NCR1: variants seen among roughly 807,000 people sequenced by gnomAD.
NCR1 encodes the protein NK cell-activating receptor.
Under a neutral mutation model 32.5 loss-of-function variants are expected in NCR1, and 30 were observed. That is an observed-to-expected ratio of 0.92 (90% CI 0.69 to 1.25). The LOEUF is 1.25. NCR1 is among the 50% of genes most tolerant of loss of function. NCR1 has a pLI of 0.00. For synonymous variants in NCR1, 169 were observed against 143.4 expected (o/e 1.18, Z -1.28); for missense variants, 369 against 380.7 (o/e 0.97, Z 0.26).
intron 5 of NCR1, 120 bp from the exon 6 acceptor site, chr19:54,912,048 C>A: frequency 3.6e-6 from 3 of 843,794 alleles, no homozygotes; most frequent in East Asian, 4.9e-5. Context: ...CTCCTGGGAC[C>A]CGCAGGGTGA....
At chr19:54,903,328 A>G (rs35171123), upstream of NCR1, among the ~76,000 whole-genome samples, 44,557 of 127,886 alleles carry the variant, frequency 0.35, 9,654 homozygotes, top group Non-Finnish European at 0.46. Flanking sequence ...ATGTATATAT[A>G]CATGTATGTA....
chr19:54,938,006 C>G, the NCR1 span: 10,645 of 1,505,080 alleles, frequency 7.1e-3, 467 homozygotes, highest in African/African-American at 0.11. Flanking sequence ...GCTTAGTCAT[C>G]GTTCAGGGTC....
downstream of NCR1, among the ~76,000 whole-genome samples, chr19:54,918,097 G>T (rs113801576): frequency 4.2e-4 from 64 of 151,610 alleles, no homozygotes; most frequent in African/African-American, 1.5e-3. Flanking sequence ...CACCTAGCCC[G>T]GCTAATTTTT....
chr19:54,901,123 GAAA>G, the NCR1 span, among the ~76,000 whole-genome samples: 23 of 101,566 alleles, frequency 2.3e-4, no homozygotes, highest in Middle Eastern at 5.0e-3. Context: ...TCTCTACTTT[GAAA>G]AAAAAAAAAA....
upstream of NCR1, among the ~76,000 whole-genome samples, chr19:54,905,707 C>T (rs945934651): frequency 6.6e-6 from 1 of 152,146 alleles, no homozygotes; most frequent in East Asian, 1.9e-4. Context: ...TAAAGGACTC[C>T]ACCTCTTTCT....
chr19:54,915,520 C>G (rs1302705481), downstream of NCR1, among the ~76,000 whole-genome samples: 2 of 152,122 alleles, frequency 1.3e-5, no homozygotes, highest in African/African-American at 4.8e-5. Context: ...GGCGCAGTGG[C>G]TTGCACCCGT....
Position 54,906,648 on chromosome 19 carries a change from C to CT in NCR1, c.201dup (p.Ala68CysfsTer9), listed in dbSNP as rs762531949. ...ATACCAGCTGCACTTTGAAGGAAGC[C>CT]TTTTTGCCGTGGACAGACCAAAACC... is the stretch of plus-strand genomic sequence containing the variant. On this transcript the variant is annotated frameshift_variant, in exon 3 of 7. Coordinates refer to ENST00000291890, the MANE Select transcript of NCR1 (RefSeq NM_004829.7). LOFTEE classifies it high-confidence loss of function. 3.1e-6 allele frequency: 5 copies of CT among 1,614,196 alleles called. No homozygotes were observed. The highest frequency in any genetic ancestry group is 4.2e-6 in the Non-Finnish European group (5 of 1,180,042).
chr19:54,901,863 G>T (rs2067307814), upstream of NCR1, among the ~76,000 whole-genome samples: 1 of 152,176 alleles, frequency 6.6e-6, no homozygotes, highest in Admixed American at 6.5e-5. Context: ...AGCTACTCAG[G>T]AAGCTGAGGC....
downstream of NCR1, among the ~76,000 whole-genome samples, chr19:54,920,330 G>T (rs1198766264): frequency 6.6e-6 from 1 of 152,114 alleles, no homozygotes; most frequent in Non-Finnish European, 1.5e-5. Flanking sequence ...GCAGGCTCAG[G>T]CTCATCCAAG....
the NCR1 span, chr19:54,938,072 G>A: frequency 1.1e-5 from 18 of 1,613,904 alleles, no homozygotes; most frequent in African/African-American, 4.0e-5. Flanking sequence ...CAGGTGCTAC[G>A]GGTTACGTGG....
At chr19:54,923,582 C>G in the NCR1 span, 1 of 820,034 alleles carries the variant, frequency 1.2e-6, no homozygotes, top group Non-Finnish European at 2.1e-6. Context: ...GTGCGTGACT[C>G]GTGCAGAATC....
At chr19:54,907,767 A>G (rs2067708974) in intron 3 of NCR1, among the ~76,000 whole-genome samples, 1 of 152,036 alleles carries the variant, frequency 6.6e-6, no homozygotes, top group South Asian at 2.1e-4. Flanking sequence ...TGTCCATTCA[A>G]ATATCTTCTT....
chr19:54,935,698 A>C, the NCR1 span, among the ~76,000 whole-genome samples: 1 of 147,084 alleles, frequency 6.8e-6, no homozygotes, highest in African/African-American at 2.6e-5. Context: ...CTCAAAGAAA[A>C]AAAAAAAAAA....
At chr19:54,925,917 G>T in the NCR1 span, among the ~76,000 whole-genome samples, 1 of 151,648 alleles carries the variant, frequency 6.6e-6, no homozygotes, top group South Asian at 2.1e-4. Flanking sequence ...GGAGAATGGC[G>T]TGAACCCGGG....
chr19:54,921,946 G>T, the NCR1 span, among the ~76,000 whole-genome samples: 16 of 151,294 alleles, frequency 1.1e-4, no homozygotes, highest in South Asian at 3.3e-3. Context: ...GCCCAGGCTG[G>T]AGTGCAGTGG....
chr19:54,926,718 C>T, the NCR1 span, among the ~76,000 whole-genome samples: 1 of 151,978 alleles, frequency 6.6e-6, no homozygotes, highest in Non-Finnish European at 1.5e-5. Context: ...GAGCTCGAGA[C>T]CAGCCTGGCC....
the NCR1 span, among the ~76,000 whole-genome samples, chr19:54,926,205 G>GGTGTGTGTGTGTGTGTGTGTGT: frequency 2.1e-5 from 3 of 143,744 alleles, no homozygotes; most frequent in East Asian, 2.4e-4. Flanking sequence ...AATGATTAGG[G>GGTGTGTGTGTGTGTGTGTGTGT]GTGTGTGTGT....
At position 54,910,068 on chromosome 19, in the gene NCR1, G is replaced by A. The variant is rs1428635737; in HGVS notation, c.682+3G>A. 1.2e-6 allele frequency: 2 copies of A among 1,613,492 alleles called. No homozygotes were observed. The highest frequency in any genetic ancestry group is 3.3e-5 in the Admixed American group (2 of 59,944). ...ACCTGAAGACCCCACCTTTCCTGGT[G>A]AGTAACTGGTCCTTCTAAGCTCAGA... On this transcript the variant is annotated splice_donor_region_variant and intron_variant, in intron 5 of 6. Transcript: ENST00000291890.
chr19:54,924,100 T>G, the NCR1 span, among the ~76,000 whole-genome samples: 3 of 152,256 alleles, frequency 2.0e-5, no homozygotes, highest in East Asian at 5.8e-4. Context: ...CCTGAGTAAC[T>G]GTGATTACAG....
Sources: allele counts gnomAD v4.1 joint callset (sites outside exome capture counted in the v4.1 genomes callset), GRCh38; gene constraint gnomAD v4.1.1; transcripts MANE v1.5; gene names NCBI Gene and HGNC (gene_info 2026-07-23, HGNC 2026-07-21).